The following NFIB variants were observed in gnomAD, a reference collection of about 807,000 sequenced individuals.
NFIB encodes the protein nuclear factor 1 B-type.
In NFIB, 11 loss-of-function variants were observed where a neutral mutation model predicts 61.5. The observed-to-expected ratio is 0.18, with a 90% CI of 0.11 to 0.30. The LOEUF is 0.30. Ranked by LOEUF, NFIB falls within the 10% of genes least tolerant of loss-of-function variation. The pLI is 1.00. For missense variants in NFIB, 471 were observed against 608.9 expected, an observed-to-expected ratio of 0.77 and a Z score of 2.38; for synonymous variants, 260 against 216.5, an observed-to-expected ratio of 1.20 and a Z score of -1.76.
chr9:14,249,751 C>A (rs2055369646), intron 2 of NFIB, among the ~76,000 whole-genome samples: 1 of 151,828 alleles, frequency 6.6e-6, no homozygotes, highest in Non-Finnish European at 1.5e-5. Context: ...AGGGAGAGGG[C>A]AGAAGAGAGA....
the NFIB span, among the ~76,000 whole-genome samples, chr9:14,522,531 C>T: frequency 2.0e-5 from 3 of 152,086 alleles, no homozygotes; most frequent in South Asian, 2.1e-4. Context: ...TAGGATTCCA[C>T]GATTCCACCT....
chr9:14,395,846 T>C, intron 1 of NFIB, among the ~76,000 whole-genome samples: 1 of 147,802 alleles, frequency 6.8e-6, no homozygotes, highest in Non-Finnish European at 1.5e-5. Flanking sequence ...CTGCAGGCCT[T>C]GCCTCAGTGC....
intron 1 of NFIB, among the ~76,000 whole-genome samples, chr9:14,365,517 C>A (rs1217101291): frequency 6.6e-6 from 1 of 152,230 alleles, no homozygotes; most frequent in Non-Finnish European, 1.5e-5. Context: ...AAGATCCCTG[C>A]AGGTAGACCA....
intron 3 of NFIB, among the ~76,000 whole-genome samples, chr9:14,174,160 T>G (rs564978259): frequency 2.0e-5 from 3 of 151,310 alleles, no homozygotes; most frequent in Non-Finnish European, 4.4e-5. Context: ...AAAAATGTTT[T>G]AAAACAAAAT....
At chr9:14,217,680 A>AAAAAAAAAAAAAAAAAAAAAC (rs1489367237) in intron 2 of NFIB, among the ~76,000 whole-genome samples, 1 of 145,594 alleles carries the variant, frequency 6.9e-6, no homozygotes, top group East Asian at 2.0e-4. Context: ...AAAAAAAAAA[A>AAAAAAAAAAAAAAAAAAAAAC]AGACACAAAC....
chr9:14,247,408 A>G (rs188517361), intron 2 of NFIB, among the ~76,000 whole-genome samples: 1 of 152,234 alleles, frequency 6.6e-6, no homozygotes, highest in Non-Finnish European at 1.5e-5. Context: ...GACCATGCCC[A>G]GAACAGGATT....
At chr9:14,367,405 T>G (rs1417836646) in intron 1 of NFIB, among the ~76,000 whole-genome samples, 1 of 151,658 alleles carries the variant, frequency 6.6e-6, no homozygotes, top group Non-Finnish European at 1.5e-5. Context: ...GGGGAAGACA[T>G]GCCAAGCAGA....
the NFIB span, among the ~76,000 whole-genome samples, chr9:14,443,401 C>A: frequency 6.6e-6 from 1 of 152,168 alleles, no homozygotes. Context: ...GTCTCATAGG[C>A]ATCTCAGGTT....
At position 14,239,449 on chromosome 9, in the gene NFIB, A is replaced by G. The variant is rs796483004; in HGVS notation, c.563-59669T>C. Among the ~76,000 whole-genome samples the G allele has an allele frequency of 1.1e-4, 17 of 152,326 alleles. 1 individual carries two copies. The highest frequency in any genetic ancestry group is 3.8e-4 in the African/African-American group (16 of 41,576). ...CAGGAAAAAGTGCAGGAACTCCTGG[A>G]TAGACACAATACTCATTTCTGATGA... is the stretch of plus-strand genomic sequence containing the variant. On this transcript the variant is annotated intron_variant, in intron 2 of 10. Coordinates refer to ENST00000380953, the MANE Select transcript of NFIB (RefSeq NM_001190737.2).
chr9:14,485,980 TA>T, the NFIB span, among the ~76,000 whole-genome samples: 1 of 151,930 alleles, frequency 6.6e-6, no homozygotes, highest in Non-Finnish European at 1.5e-5. Context: ...CAGATACATA[TA>T]AAATAGTGCT....
the NFIB span, among the ~76,000 whole-genome samples, chr9:14,470,393 A>G: frequency 6.6e-6 from 1 of 152,038 alleles, no homozygotes; most frequent in African/African-American, 2.4e-5. Context: ...ACTTACTCCT[A>G]TTTCAGCTTC....
chr9:14,297,557 CCTG>C (rs1180702246), intron 2 of NFIB, among the ~76,000 whole-genome samples: 5 of 152,182 alleles, frequency 3.3e-5, no homozygotes, highest in African/African-American at 1.2e-4. Flanking sequence ...AAGCCTCTCA[CCTG>C]CTATTTTCAG....
At chr9:14,161,044 G>C (rs1404310403) in intron 3 of NFIB, among the ~76,000 whole-genome samples, 2 of 152,050 alleles carry the variant, frequency 1.3e-5, no homozygotes, top group African/African-American at 4.8e-5. Flanking sequence ...TTTAAAAGAA[G>C]GCTTAATTCT....
chr9:14,226,394 A>T (rs569348932), intron 2 of NFIB, among the ~76,000 whole-genome samples: 1 of 152,094 alleles, frequency 6.6e-6, no homozygotes, highest in Non-Finnish European at 1.5e-5. Flanking sequence ...ACAAAAACTA[A>T]AAAATTGGCC....
In NFIB at chr9:14,083,266, G is replaced by T. The variant is rs1423457740; in HGVS notation, c.*5043C>A. The stretch of plus-strand genomic sequence containing the variant: ...TGGCAATGAGTTTGGCTGATGCAAA[G>T]GTCATTGTGCAGGGTCAAAGGGCAA... On this transcript the variant is annotated 3_prime_UTR_variant, in exon 11 of 11. Coordinates refer to ENST00000380953, the MANE Select transcript of NFIB (RefSeq NM_001190737.2). 5.8e-5 allele frequency: 13 copies of T among 225,470 alleles called. No homozygotes were observed. The highest frequency in any genetic ancestry group is 2.3e-4 in the Admixed American group (4 of 17,442). 14.0% of individuals were successfully genotyped at this position (225,470 alleles called of 1,614,324 possible).
chr9:14,426,134 T>C, the NFIB span, among the ~76,000 whole-genome samples: 1 of 152,126 alleles, frequency 6.6e-6, no homozygotes, highest in Non-Finnish European at 1.5e-5. Context: ...CAAATCCTCC[T>C]AAACTGTCAC....
chr9:14,524,294 A>G, the NFIB span, among the ~76,000 whole-genome samples: 5 of 152,264 alleles, frequency 3.3e-5, no homozygotes, highest in South Asian at 1.0e-3. Flanking sequence ...AAACATTCAT[A>G]CCTATAGCAT....
chr9:14,435,564 T>C, the NFIB span, among the ~76,000 whole-genome samples: 11 of 152,228 alleles, frequency 7.2e-5, no homozygotes, highest in African/African-American at 2.7e-4. Context: ...CAACCTAAAA[T>C]AGGTCTGTCA....
At chr9:14,294,823 G>A (rs2059322945) in intron 2 of NFIB, among the ~76,000 whole-genome samples, 2 of 152,226 alleles carry the variant, frequency 1.3e-5, no homozygotes, top group Middle Eastern at 3.4e-3. Context: ...AATGTGACAC[G>A]TGATTTAAAT....
Sources: allele counts gnomAD v4.1 joint callset (sites outside exome capture counted in the v4.1 genomes callset), GRCh38; gene constraint gnomAD v4.1.1; transcripts MANE v1.5; gene names NCBI Gene and HGNC (gene_info 2026-07-23, HGNC 2026-07-21).